PKD1L1: variants seen among roughly 807,000 people sequenced by gnomAD.
The protein encoded by PKD1L1 is polycystin-1-like protein 1.
Under a neutral mutation model 323.4 loss-of-function variants are expected in PKD1L1, and 236 were observed. The observed-to-expected ratio is 0.73, with a 90% CI of 0.66 to 0.81. PKD1L1 has a LOEUF of 0.81. Among genes scored for constraint, PKD1L1 ranks in the 40% least tolerant of loss-of-function variants. PKD1L1 has a pLI of 0.00. For missense variants in PKD1L1, 3,320 were observed against 3,508.0 expected (o/e 0.95, Z 1.35); for synonymous variants, 1,344 against 1,335.0 (o/e 1.01, Z -0.15).
intron 42 of PKD1L1, 152 bp from the exon 43 acceptor site, chr7:47,830,276 A>G: frequency 1.6e-6 from 1 of 639,936 alleles, no homozygotes; most frequent in Non-Finnish European, 2.7e-6. Flanking sequence ...GGACATGGGC[A>G]GTGTCTTTCT....
intron 56 of PKD1L1, among the ~76,000 whole-genome samples, chr7:47,780,461 G>A (rs780389423): frequency 2.0e-4 from 31 of 151,972 alleles, no homozygotes; most frequent in African/African-American, 6.5e-4. Flanking sequence ...GTGAAAACCC[G>A]TCTCTACTAA....
intron 39 of PKD1L1, 152 bp from the exon 40 acceptor site, chr7:47,834,537 G>A: frequency 2.8e-6 from 2 of 721,538 alleles, no homozygotes; most frequent in Non-Finnish European, 4.7e-6. Context: ...AGAGGATAAG[G>A]CTAGAACGAG....
rs139902184 is a variant in PKD1L1, at chr7:47,803,332, G to A, written c.7840C>T (p.Leu2614Phe). 2.4e-5 allele frequency: 38 copies of A among 1,613,774 alleles called. No homozygotes were observed. In the African/African-American group the frequency reaches 4.8e-4, roughly 20 times the overall value. Reference sequence around the variant, plus strand: ...AAGAGGAATAAGAGGATTCCCCGGAGCCATCGAGCCCTCTGAGACAGAAGA... The same window carrying A: ...AAGAGGAATAAGAGGATTCCCCGGAACCATCGAGCCCTCTGAGACAGAAGA... ...MASWNQRARW[L>F]RGILLFLFTL... is the part of the protein sequence containing the mutation. Residue 2614 changes from leucine (L) to phenylalanine (F), a missense_variant, in exon 53 of 57, where the codon CTC (leucine) becomes TTC (phenylalanine). Leu to Phe is a conservative substitution (Grantham distance 22). Coordinates refer to ENST00000289672, the MANE Select transcript of PKD1L1 (RefSeq NM_138295.5).
intron 53 of PKD1L1, among the ~76,000 whole-genome samples, chr7:47,802,122 C>T (rs893581626): frequency 1.4e-5 from 2 of 146,084 alleles, no homozygotes; most frequent in African/African-American, 2.5e-5. Context: ...ACCCGGGAGG[C>T]GGAGCTTTGC....
intron 13 of PKD1L1, among the ~76,000 whole-genome samples, chr7:47,901,327 C>CAAAAAAAAAA (rs71699736): frequency 4.8e-5 from 3 of 62,616 alleles, no homozygotes; most frequent in East Asian, 4.3e-4. Flanking sequence ...AACAGAGTCT[C>CAAAAAAAAAA]AAAAAAAAAA....
intron 26 of PKD1L1, among the ~76,000 whole-genome samples, chr7:47,860,741 C>T (rs1786005163): frequency 6.6e-6 from 1 of 152,138 alleles, no homozygotes; most frequent in Non-Finnish European, 1.5e-5. Flanking sequence ...TTTAAGAGGA[C>T]AATCATGTTC....
chr7:47,847,032 T>C lies in PKD1L1; in HGVS notation c.5000A>G (p.Tyr1667Cys), dbSNP rs112378976. The C allele has an allele frequency of 1.6e-5, 25 of 1,608,132 alleles. No individual in the cohort carries two copies. The highest frequency in any genetic ancestry group is 2.2e-5 in the South Asian group (2 of 89,188). The stretch of plus-strand genomic sequence containing the variant: ...ATATCTGTTTGGAGGTTTTCTGTCA[T>C]AGTCAGCATCCAATAAGGATAAATA... ...VGYLSLLDAD[Y>C]DRKPPNRYLA... Residue 1667 changes from tyrosine (Y) to cysteine (C), a missense_variant, in exon 32 of 57, where the codon TAT (tyrosine) becomes TGT (cysteine). Physicochemically the swap from Tyr to Cys is radical, Grantham distance 194. Transcript: ENST00000289672.
chr7:47,775,013 G>A lies in PKD1L1; in HGVS notation c.*130C>T, dbSNP rs1786536591. ...TTCCCATTTACTTGTTACGTGAACTGGAAAAATTAACAAAACTTCTTCGTA... is the reference window on the plus strand; with the variant it reads ...TTCCCATTTACTTGTTACGTGAACTAGAAAAATTAACAAAACTTCTTCGTA... On this transcript the variant is annotated 3_prime_UTR_variant, in exon 57 of 57. Transcript: ENST00000289672. The A allele has an allele frequency of 1.0e-6, 1 of 969,056 alleles. No individual in the cohort carries two copies. Among genetic ancestry groups the A allele is most frequent in the African/African-American group, 1.7e-5 (1 of 60,406 alleles). 60.0% of individuals were successfully genotyped at this position (969,056 alleles called of 1,614,324 possible).
rs1445798427 is a variant in PKD1L1, at chr7:47,788,575, A to AT, written c.8526+4051dup. On this transcript the variant is annotated intron_variant, in intron 56 of 56. Transcript: ENST00000289672. ...ACCCAGCCCAGTTATATATATATAT[A>AT]TATTTTTTTTTTTTAATTTTAATTT... is the stretch of plus-strand genomic sequence containing the variant. Among the ~76,000 whole-genome samples, 678 of 96,822 alleles carry AT rather than the reference A, an allele frequency of 7.0e-3. 7 individuals carry two copies. Among genetic ancestry groups the AT allele is most frequent in the African/African-American group, 0.027 (655 of 24,002 alleles). 63.5% of individuals were successfully genotyped at this position (96,822 alleles called of 152,430 possible).
Position 47,820,285 on chromosome 7 carries a change from C to T in PKD1L1, c.6965+791G>A, listed in dbSNP as rs1309661055. Among the ~76,000 whole-genome samples, 3 of 152,218 alleles carry T rather than the reference C, an allele frequency of 2.0e-5. No individual in the cohort carries two copies. The East Asian group carries it at 5.8e-4, about 29-fold the overall frequency. Reference sequence around the variant, plus strand: ...CACAACAAAATGCTATCATGCTTGCCTTTGCCTGGTGGTATCACGGAAATT... The same window carrying T: ...CACAACAAAATGCTATCATGCTTGCTTTTGCCTGGTGGTATCACGGAAATT... On this transcript the variant is annotated intron_variant, in intron 46 of 56. Transcript: ENST00000289672.
rs2290386 is a variant in PKD1L1 at position 47,813,239 on chromosome 7, C to T, written c.7228G>A (p.Glu2410Lys). ...IEDSIPTCSPEVGGPENPYLI... is the reference protein window; with the variant it reads ...IEDSIPTCSPKVGGPENPYLI... ...TAGGGGTTCTCAGGGCCTCCAACTTCGGGACTACATGTAGGAATAGAGTCT... is the reference window on the plus strand; with the variant it reads ...TAGGGGTTCTCAGGGCCTCCAACTTTGGGACTACATGTAGGAATAGAGTCT... The change falls in exon 49 of 57, where the codon GAA becomes AAA. Residue 2410 changes from glutamate to lysine, a missense_variant. Coordinates refer to ENST00000289672, the MANE Select transcript of PKD1L1 (RefSeq NM_138295.5). 262,538 of 1,613,982 alleles carry T rather than the reference C, an allele frequency of 0.16. 23,208 individuals are homozygous for T. Among genetic ancestry groups the T allele is most frequent in the Admixed American group, 0.24 (14,286 of 60,000 alleles).
At position 47,898,035 on chromosome 7, in the gene PKD1L1, G is replaced by A. The variant is rs1202144844; in HGVS notation, c.2224C>T (p.Leu742Phe). The change falls in exon 14 of 57, where the codon CTC becomes TTC. Residue 742 changes from leucine to phenylalanine, a missense_variant. Physicochemically the swap from Leu to Phe is conservative, Grantham distance 22 (BLOSUM62 0). Transcript: ENST00000289672. The part of the protein sequence containing the change: ...AVDTHRQTLI[L>F]PSHTLEYGNY... Reference sequence around the variant, plus strand: ...CCATACTCCAAGGTGTGGCTCGGGAGGATGAGGGTCTGTCTGTGAGTGTCC... The same window carrying A: ...CCATACTCCAAGGTGTGGCTCGGGAAGATGAGGGTCTGTCTGTGAGTGTCC... 1 of 1,613,308 alleles carries A rather than the reference G, an allele frequency of 6.2e-7. No individual in the cohort carries two copies. Among genetic ancestry groups the A allele is most frequent in the Non-Finnish European group, 8.5e-7 (1 of 1,179,974 alleles).
At chr7:47,833,282 T>C in intron 40 of PKD1L1, 30 bp from the exon 41 acceptor site, 1 of 1,604,702 alleles carries the variant, frequency 6.2e-7, no homozygotes, top group Non-Finnish European at 8.5e-7. Context: ...CCAAGGTTAA[T>C]ATCTCCACAG....
chr7:47,880,996 C>A (rs969305355), intron 20 of PKD1L1, among the ~76,000 whole-genome samples, 191 bp from the exon 21 acceptor site: 1 of 151,882 alleles, frequency 6.6e-6, no homozygotes, highest in African/African-American at 2.4e-5. Flanking sequence ...TCCTGCCCAA[C>A]AGAAGCATTA....
At chr7:47,873,859 A>G (rs748993174) in intron 24 of PKD1L1, 40 bp downstream of exon 24, 2 of 1,498,358 alleles carry the variant, frequency 1.3e-6, no homozygotes, top group East Asian at 2.3e-5. Context: ...AAGAAATACA[A>G]ATAATGGCTA....
intron 26 of PKD1L1, among the ~76,000 whole-genome samples, chr7:47,861,499 G>A (rs185801159): frequency 5.7e-4 from 87 of 152,300 alleles, no homozygotes; most frequent in African/African-American, 1.9e-3. Context: ...CATCCCGAAT[G>A]CCTACACAGG....
At chr7:47,861,517 C>G (rs147252336) in intron 26 of PKD1L1, among the ~76,000 whole-genome samples, 1 of 152,122 alleles carries the variant, frequency 6.6e-6, no homozygotes, top group Non-Finnish European at 1.5e-5. Context: ...AGGGAAGATG[C>G]CTACGTTGGG....
intron 56 of PKD1L1, among the ~76,000 whole-genome samples, chr7:47,790,337 T>G (rs1259857744): frequency 6.6e-6 from 1 of 150,562 alleles, no homozygotes; most frequent in Non-Finnish European, 1.5e-5. Context: ...ATAAATAATT[T>G]TTTTTTTTTT....
chr7:47,782,707 T>C (rs1473997831), intron 56 of PKD1L1, among the ~76,000 whole-genome samples: 2 of 152,192 alleles, frequency 1.3e-5, no homozygotes, highest in Non-Finnish European at 2.9e-5. Flanking sequence ...TCAAGAAAAG[T>C]CTACTGGGAT....
Sources: allele counts gnomAD v4.1 joint callset (sites outside exome capture counted in the v4.1 genomes callset), GRCh38; gene constraint gnomAD v4.1.1; transcripts MANE v1.5; gene names NCBI Gene and HGNC (gene_info 2026-07-23, HGNC 2026-07-21).